Variants in DENND2B observed in about 807,000 individuals in gnomAD.
DENND2B encodes the protein DENN domain containing 2B, also known as DENN domain-containing protein 2B.
In DENND2B, 32 loss-of-function variants were observed where a neutral mutation model predicts 116.0. The ratio of observed to expected loss-of-function variants is 0.28; its 90% CI spans 0.21 to 0.37. The LOEUF (loss-of-function observed/expected upper bound fraction) is 0.37. Ranked by LOEUF, DENND2B falls within the 10% of genes least tolerant of loss-of-function variation. DENND2B has a pLI of 1.00. For missense variants in DENND2B, 1,276 were observed against 1,477.7 expected (o/e 0.86, Z 2.24); for synonymous variants, 588 against 583.9 (o/e 1.01, Z -0.10).
At chr11:8,821,397 T>C (rs2061757908) in intron 4 of DENND2B, among the ~76,000 whole-genome samples, 2 of 150,826 alleles carry the variant, frequency 1.3e-5, no homozygotes, top group African/African-American at 4.9e-5. Flanking sequence ...AAGACCAGCC[T>C]GGGCAACATA....
At chr11:8,804,743 C>T (rs942184938) in intron 1 of DENND2B, among the ~76,000 whole-genome samples, 4 of 151,902 alleles carry the variant, frequency 2.6e-5, no homozygotes, top group African/African-American at 9.7e-5. Flanking sequence ...CAGGGTTTTA[C>T]CATATTGGCC....
intron 4 of DENND2B, among the ~76,000 whole-genome samples, chr11:8,827,439 T>C (rs2062021064): frequency 6.6e-6 from 1 of 152,196 alleles, no homozygotes; most frequent in Non-Finnish European, 1.5e-5. Flanking sequence ...TGATGAAAGA[T>C]TATAGCCACT....
intron 1 of DENND2B, among the ~76,000 whole-genome samples, chr11:8,792,016 G>A (rs1593758946): frequency 6.6e-6 from 1 of 152,044 alleles, no homozygotes; most frequent in Admixed American, 6.6e-5. Flanking sequence ...GACCAGCCTG[G>A]CAAACATGGT....
chr11:8,910,937 C>A (rs1487635544), exon 1 of DENND2B: 1 of 59,242 alleles, frequency 1.7e-5, no homozygotes, highest in Non-Finnish European at 3.7e-5. Flanking sequence ...CCCCAGCCCC[C>A]GACCCCCGAC....
chr11:8,802,213 A>G lies in DENND2B; in HGVS notation c.-26+8304T>C, dbSNP rs1025021997. Among the ~76,000 whole-genome samples the G allele has an allele frequency of 5.3e-5, 8 of 151,858 alleles. No homozygotes were observed. The East Asian group carries it at 1.4e-3, about 26-fold the overall frequency. ...CTACTTGGAAGGCTGAGGCAGGAGAATCACTTGAACCCAGGAGATGGAAGT... is the reference window on the plus strand; with the variant it reads ...CTACTTGGAAGGCTGAGGCAGGAGAGTCACTTGAACCCAGGAGATGGAAGT... On this transcript the variant is annotated intron_variant, in intron 1 of 19. Coordinates refer to ENST00000313726, the MANE Select transcript of DENND2B (RefSeq NM_213618.2).
intron 3 of DENND2B, among the ~76,000 whole-genome samples, chr11:8,849,072 T>C (rs1296565065): frequency 6.6e-6 from 1 of 150,504 alleles, no homozygotes; most frequent in African/African-American, 2.5e-5. Flanking sequence ...ATTTTTTTTT[T>C]CCTATCCAAG....
At chr11:8,812,833 C>CA (rs1201502711), upstream of DENND2B, among the ~76,000 whole-genome samples, 60 of 152,312 alleles carry the variant, frequency 3.9e-4, no homozygotes, top group African/African-American at 1.4e-3. Context: ...CAAAAACAAA[C>CA]AAAAAACACT....
intron 1 of DENND2B, 46 bp from the exon 2 acceptor site, chr11:8,750,771 A>C (rs760918369): frequency 2.5e-6 from 4 of 1,575,866 alleles, no homozygotes; most frequent in Non-Finnish European, 3.5e-6. Flanking sequence ...ATAGGCAGCC[A>C]AAAGCACCTT....
rs145873502 is a variant in DENND2B at position 8,707,206 on chromosome 11, C to T, written c.2450G>A (p.Arg817His). ...CAATGCAGCGGAGATCCCACGCCGG[C>T]GCTCCACCTCATCTAGGACCTGTGC... The part of the protein sequence containing the change: ...LFSKVLDEVE[R>H]RRGISAALVY... The change falls in exon 13 of 20, where the codon CGC becomes CAC. Residue 817 changes from arginine (R) to histidine (H), a missense_variant. Arg to His is a conservative substitution (Grantham distance 29, BLOSUM62 0). This residue lies in a region of DENND2B where 420 missense variants were observed against 631.1 expected (regional missense o/e 0.67). Transcript: ENST00000313726. The surrounding 1 kb of genome is among the most constrained non-coding windows in gnomAD (Gnocchi z 4.8). The T allele has an allele frequency of 1.4e-5, 22 of 1,612,500 alleles. No individual in the cohort carries two copies. Among genetic ancestry groups the T allele is most frequent in the Middle Eastern group, 1.6e-4 (1 of 6,076 alleles).
At chr11:8,896,963 C>T (rs1218779138) in intron 1 of DENND2B, among the ~76,000 whole-genome samples, 1 of 152,176 alleles carries the variant, frequency 6.6e-6, no homozygotes, top group Non-Finnish European at 1.5e-5. Flanking sequence ...TGAGACTGGG[C>T]TCGGTGGCTC....
chr11:8,707,670 C>T lies in DENND2B; in HGVS notation c.2430+107G>A, dbSNP rs1048541349. ...GTACTTGTTCCTGCATTCTGTCTCC[C>T]GCTCGCTCACAGTCACAGGTGGTTT... On this transcript the variant is annotated intron_variant, in intron 12 of 19. Transcript: ENST00000313726. The surrounding 1 kb of genome is among the most constrained non-coding windows in gnomAD (Gnocchi z 4.8). 3.2e-5 allele frequency: 34 copies of T among 1,074,906 alleles called. No homozygotes were observed. In the Middle Eastern group the frequency reaches 8.8e-4, roughly 28 times the overall value. 66.6% of individuals were successfully genotyped at this position (1,074,906 alleles called of 1,614,324 possible). A position where few individuals can be genotyped will look rare whatever the true frequency, so the allele number is the denominator to read the frequency against.
chr11:8,910,709 A>T (rs866060453), intron 1 of DENND2B: 1 of 72,356 alleles, frequency 1.4e-5, no homozygotes, highest in Non-Finnish European at 2.8e-5. Flanking sequence ...ACTCCTGGCT[A>T]GTGTGTGTGT....
Position 8,733,686 on chromosome 11 carries a change from T to C in DENND2B, c.81-2477A>G, listed in dbSNP as rs531768266. On this transcript the variant is annotated intron_variant, in intron 2 of 19. Coordinates refer to ENST00000313726, the MANE Select transcript of DENND2B (RefSeq NM_213618.2). The stretch of plus-strand genomic sequence containing the variant: ...CAGTCCATGGAACCACTGTTACTTA[T>C]GGTAGTGTGGGGCATGGCTCCTTGG... 9.1e-4 allele frequency among the ~76,000 whole-genome samples: 138 copies of C among 152,304 alleles called. 1 individual carries two copies. In the South Asian group the frequency reaches 0.013, roughly 15 times the overall value.
intron 1 of DENND2B, among the ~76,000 whole-genome samples, chr11:8,783,535 T>A (rs1044718032): frequency 9.9e-5 from 15 of 152,188 alleles, no homozygotes; most frequent in Admixed American, 2.6e-4. Context: ...TGTTAACACA[T>A]ATGAAGAAGA....
At chr11:8,701,651 C>T (rs768974720) in intron 14 of DENND2B, among the ~76,000 whole-genome samples, 56 of 152,254 alleles carry the variant, frequency 3.7e-4, no homozygotes, top group Middle Eastern at 6.8e-3. Flanking sequence ...CTGCACTCAT[C>T]GGAGCCGTAT....
intron 1 of DENND2B, among the ~76,000 whole-genome samples, chr11:8,753,122 A>G (rs920365299): frequency 6.4e-4 from 97 of 152,174 alleles, no homozygotes; most frequent in African/African-American, 2.0e-3. Flanking sequence ...CTGTAATCCC[A>G]GTTACTCAGG....
upstream of DENND2B, among the ~76,000 whole-genome samples, chr11:8,875,269 G>A (rs1336670574): frequency 2.0e-5 from 3 of 146,584 alleles, no homozygotes; most frequent in Non-Finnish European, 3.0e-5. Context: ...CTTGCAGTGA[G>A]CCCAGATCGC....
In DENND2B at chr11:8,695,471, C is replaced by T. The variant is rs761134881; in HGVS notation, c.3371G>A (p.Arg1124Gln). The T allele has an allele frequency of 7.4e-6, 12 of 1,613,772 alleles. No individual in the cohort carries two copies. The highest frequency in any genetic ancestry group is 3.3e-5 in the South Asian group (3 of 91,076). ...TEQSGMNKFL[R>Q]GLGNKMKFLH... ...GTAACAAGGCCACTTACCCAAACCT[C>T]GGAGAAACTTATTCATTCCACTCTG... is the stretch of plus-strand genomic sequence containing the variant. The change falls in exon 19 of 20, where the codon CGA (arginine) becomes CAA (glutamine). Residue 1124 changes from arginine (R) to glutamine (Q), a missense_variant. Physicochemically the swap from Arg to Gln is conservative, Grantham distance 43 (BLOSUM62 1). Coordinates refer to ENST00000313726, the MANE Select transcript of DENND2B (RefSeq NM_213618.2).
Position 8,702,540 on chromosome 11 carries a change from C to G in DENND2B, c.2720+32G>C. On this transcript the variant is annotated intron_variant, in intron 14 of 19. Coordinates refer to ENST00000313726, the MANE Select transcript of DENND2B (RefSeq NM_213618.2). This position sits in a 1 kb window ranked among gnomAD's most constrained non-coding sequence, Gnocchi z 4.6. ...CGCTTGTGGGTGTGCCTTCCCCCCT[C>G]CCTTCTGCTTTCTTGCCCGGCTGGG... 1 of 1,607,326 alleles carries G rather than the reference C, an allele frequency of 6.2e-7. No homozygotes were observed. Among genetic ancestry groups the G allele is most frequent in the Non-Finnish European group, 8.5e-7 (1 of 1,179,954 alleles).
Sources: gnomAD v4.1 joint callset for allele counts (sites outside exome capture counted in the v4.1 genomes callset) on GRCh38, gnomAD v4.1.1 for gene constraint, gnomAD v4.1.1 regional missense constraint, Gnocchi (gnomAD v3.1) non-coding constraint, MANE v1.5 for transcripts, NCBI Gene and HGNC (gene_info 2026-07-23, HGNC 2026-07-21) for gene names.